Variants in ATP6V1E1 observed in about 807,000 individuals in gnomAD.
ATP6V1E1 encodes the protein V-type proton ATPase subunit E 1.
In ATP6V1E1, 21 loss-of-function variants were observed where a neutral mutation model predicts 35.2. The observed-to-expected ratio is 0.60, with a 90% CI of 0.42 to 0.86. ATP6V1E1 has a LOEUF of 0.86. ATP6V1E1 is among the 40% of genes least tolerant of loss of function. ATP6V1E1 has a pLI of 0.00. For missense variants in ATP6V1E1, 183 were observed against 272.6 expected (o/e 0.67, Z 2.32); for synonymous variants, 83 against 87.8 (o/e 0.95, Z 0.30).
intron 6 of ATP6V1E1, 35 bp from the exon 7 acceptor site, chr22:17,598,323 G>C (rs1431668278): frequency 3.3e-6 from 5 of 1,517,788 alleles, no homozygotes; most frequent in Non-Finnish European, 4.6e-6. Flanking sequence ...GGTGTCACTA[G>C]GAACTATGAA....
chr22:17,627,947 C>T lies in ATP6V1E1; in HGVS notation c.33+656G>A, dbSNP rs554483998. Reference sequence around the variant, plus strand: ...ATCATATAGCCTTAAGCATTTCCCTCAGGGTTAAAAAAAAAAAAAGTGACA... The same window carrying T: ...ATCATATAGCCTTAAGCATTTCCCTTAGGGTTAAAAAAAAAAAAAGTGACA... On this transcript the variant is annotated intron_variant, in intron 1 of 8. Coordinates refer to ENST00000253413, the MANE Select transcript of ATP6V1E1 (RefSeq NM_001696.4). Among the ~76,000 whole-genome samples, 3 of 148,254 alleles carry T rather than the reference C, an allele frequency of 2.0e-5. No individual in the cohort carries two copies. In the East Asian group the frequency reaches 5.9e-4, roughly 29 times the overall value.
At chr22:17,600,158 G>A in intron 5 of ATP6V1E1, 63 bp from the exon 6 acceptor site, 1 of 1,450,072 alleles carries the variant, frequency 6.9e-7, no homozygotes, top group East Asian at 2.3e-5. Flanking sequence ...AAACAGGTCG[G>A]GCACAGTGGC....
intron 4 of ATP6V1E1, among the ~76,000 whole-genome samples, chr22:17,605,481 G>A (rs1274777592): frequency 6.6e-6 from 1 of 151,998 alleles, no homozygotes; most frequent in Non-Finnish European, 1.5e-5. Context: ...AGTGAGCCGA[G>A]ATTGCACCAT....
Position 17,594,579 on chromosome 22 carries a change from T to C in ATP6V1E1, c.568A>G (p.Ile190Val). Residue 190 changes from isoleucine to valine, a missense_variant, in exon 8 of 9, where the codon ATA becomes GTA. Transcript: ENST00000253413. ...CTTTCCAGGGTGTTGGAAACCTTTA[T>C]TTTACGATCTCCATTATAGATCTCA... ...GVEIYNGDRKIKVSNTLESRL... is the reference protein window; with the variant it reads ...GVEIYNGDRKVKVSNTLESRL... The C allele has an allele frequency of 6.3e-7, 1 of 1,596,938 alleles. No homozygotes were observed. Among genetic ancestry groups the C allele is most frequent in the Non-Finnish European group, 8.5e-7 (1 of 1,171,978 alleles).
At chr22:17,604,550 C>T (rs926811410) in intron 4 of ATP6V1E1, among the ~76,000 whole-genome samples, 4 of 143,034 alleles carry the variant, frequency 2.8e-5, no homozygotes, top group African/African-American at 7.9e-5. Context: ...GACGGAGTCT[C>T]GCTTTGTCGC....
chr22:17,618,213 A>G lies in ATP6V1E1; in HGVS notation c.99+1248T>C, dbSNP rs567717124. Among the ~76,000 whole-genome samples, 6 of 152,324 alleles carry G rather than the reference A, an allele frequency of 3.9e-5. No homozygotes were observed. In the South Asian group the frequency reaches 6.2e-4, roughly 16 times the overall value. On this transcript the variant is annotated intron_variant, in intron 2 of 8. Coordinates refer to ENST00000253413, the MANE Select transcript of ATP6V1E1 (RefSeq NM_001696.4). The stretch of plus-strand genomic sequence containing the variant: ...TATCACAGTTCGCCACGGTTGTTAA[A>G]TATCTGAATTTTGGTTTCCATGAGA...
At chr22:17,616,679 CAAAAA>C (rs374090230) in intron 2 of ATP6V1E1, among the ~76,000 whole-genome samples, 3 of 52,646 alleles carry the variant, frequency 5.7e-5, no homozygotes. Context: ...AACTCCGGCT[CAAAAA>C]AAAAAAAAAA....
intron 4 of ATP6V1E1, among the ~76,000 whole-genome samples, chr22:17,611,235 C>T (rs913155646): frequency 4.6e-5 from 7 of 152,188 alleles, no homozygotes; most frequent in South Asian, 2.1e-4. Context: ...TTAGTGAAGA[C>T]GCAAAATAAC....
Position 17,592,316 on chromosome 22 carries a change from T to C in ATP6V1E1, c.*358A>G. ...TGGTGTGCCACATGCGCCTTAAGCC[T>C]CAAGAGTGGGGACTGCAGGGCCAAA... On this transcript the variant is annotated 3_prime_UTR_variant, in exon 9 of 9. Coordinates refer to ENST00000253413, the MANE Select transcript of ATP6V1E1 (RefSeq NM_001696.4). The C allele has an allele frequency of 4.1e-6, 1 of 244,706 alleles. No individual in the cohort carries two copies. The highest frequency in any genetic ancestry group is 8.1e-6 in the Non-Finnish European group (1 of 124,220). The allele number at this position is 244,706 out of a possible 1,614,324, so 15.2% of individuals were successfully genotyped here.
At chr22:17,606,316 A>G (rs2057786720) in intron 4 of ATP6V1E1, among the ~76,000 whole-genome samples, 1 of 152,124 alleles carries the variant, frequency 6.6e-6, no homozygotes, top group African/African-American at 2.4e-5. Context: ...GGATAAAACT[A>G]GAAGTAAAAA....
chr22:17,615,922 C>T (rs1457072450), intron 2 of ATP6V1E1, among the ~76,000 whole-genome samples: 3 of 151,504 alleles, frequency 2.0e-5, no homozygotes, highest in South Asian at 2.1e-4. Context: ...GTCCCAGGTA[C>T]TCAGGAGGCT....
intron 2 of ATP6V1E1, among the ~76,000 whole-genome samples, chr22:17,615,249 C>T (rs547117101): frequency 1.2e-4 from 18 of 151,364 alleles, no homozygotes; most frequent in Non-Finnish European, 2.7e-4. Context: ...TACAGTGAGC[C>T]GAGATCATGC....
At chr22:17,593,717 ATAAACAG>A (rs1377541933) in intron 8 of ATP6V1E1, among the ~76,000 whole-genome samples, 3 of 152,234 alleles carry the variant, frequency 2.0e-5, no homozygotes, top group Admixed American at 1.3e-4. Context: ...AAGTATCTGC[ATAAACAG>A]TAAACTGCAT....
chr22:17,623,688 C>T (rs941883257), intron 1 of ATP6V1E1, among the ~76,000 whole-genome samples: 12 of 151,318 alleles, frequency 7.9e-5, no homozygotes, highest in African/African-American at 2.9e-4. Flanking sequence ...TAACTAAATA[C>T]AGTAATCAAA....
chr22:17,620,150 G>GTT (rs35111647), intron 1 of ATP6V1E1, among the ~76,000 whole-genome samples: 16,819 of 135,930 alleles, frequency 0.12, 1,406 homozygotes, highest in Non-Finnish European at 0.18. Flanking sequence ...CCTTCCCTTT[G>GTT]TTTTTTTTTT....
intron 1 of ATP6V1E1, among the ~76,000 whole-genome samples, chr22:17,624,808 A>G (rs2057895625): frequency 6.6e-6 from 1 of 152,096 alleles, no homozygotes; most frequent in South Asian, 2.1e-4. Flanking sequence ...GCGACAAAGC[A>G]AGACTCCATC....
chr22:17,592,798 A>ATATT lies in ATP6V1E1; in HGVS notation c.619-63_619-62insAATA. 4 of 1,158,620 alleles carry ATATT rather than the reference A, an allele frequency of 3.5e-6. No homozygotes were observed. In the African/African-American group the frequency reaches 5.7e-5, roughly 17 times the overall value. The allele number at this position is 1,158,620 out of a possible 1,614,324, so 71.8% of individuals were successfully genotyped here. On this transcript the variant is annotated intron_variant, in intron 8 of 8. Transcript: ENST00000253413. ...CTGAAGAAGTTGTAGAGCGCTGCAC[A>ATATT]TCTTTTTTTTTTTTTTTTTTTTGAG...
intron 4 of ATP6V1E1, among the ~76,000 whole-genome samples, chr22:17,610,078 G>A (rs1174783995): frequency 6.6e-6 from 1 of 151,884 alleles, no homozygotes; most frequent in African/African-American, 2.4e-5. Flanking sequence ...AGCTATGACT[G>A]CACCATTGCA....
chr22:17,613,219 C>T lies in ATP6V1E1; in HGVS notation c.201G>A (p.Gln67=), dbSNP rs776773108. The change falls in exon 3 of 9, where the codon CAG becomes CAA. Residue 67 remains glutamine, a synonymous_variant. Transcript: ENST00000253413. ...AACCAGGATCTACTTACATTTTCTT[C>T]TGCTGCTCAATCTGTTTCTCTTTCT... ...YEKKEKQIEQ[Q]KKIQMSNLMN... 4 of 1,611,342 alleles carry T rather than the reference C, an allele frequency of 2.5e-6. No individual in the cohort carries two copies. In the South Asian group the frequency reaches 4.4e-5, roughly 18 times the overall value.
Sources: allele counts gnomAD v4.1 joint callset (sites outside exome capture counted in the v4.1 genomes callset), GRCh38; gene constraint gnomAD v4.1.1; transcripts MANE v1.5; gene names NCBI Gene and HGNC (gene_info 2026-07-23, HGNC 2026-07-21).